DPP10: variants seen among roughly 807,000 people sequenced by gnomAD.
DPP10 encodes dipeptidyl peptidase like 10, also known as inactive dipeptidyl peptidase 10.
In DPP10, 33 loss-of-function variants were observed where a neutral mutation model predicts 120.9. The observed-to-expected ratio is 0.27, with a 90% confidence interval of 0.21 to 0.37. DPP10 has a LOEUF of 0.37. Ranked by LOEUF, DPP10 falls within the 10% of genes least tolerant of loss-of-function variation. DPP10 has a pLI of 1.00. For missense variants in DPP10, 816 were observed against 942.8 expected, an observed-to-expected ratio of 0.87 and a Z score of 1.76; for synonymous variants, 337 against 326.1, an observed-to-expected ratio of 1.03 and a Z score of -0.36.
intron 1 of DPP10, among the ~76,000 whole-genome samples, chr2:115,200,250 A>T (rs889817101): frequency 1.3e-5 from 2 of 152,182 alleles, no homozygotes; most frequent in African/African-American, 4.8e-5. Context: ...TGTTTGAAGA[A>T]TGAAAGCATT....
chr2:114,459,896 C>A (rs1287886857), intron 1 of DPP10, among the ~76,000 whole-genome samples: 1 of 152,156 alleles, frequency 6.6e-6, no homozygotes, highest in African/African-American at 2.4e-5. Context: ...TCCTGGGGAA[C>A]TTGCTTGGCT....
At chr2:114,626,407 T>C (rs1461546432) in intron 1 of DPP10, among the ~76,000 whole-genome samples, 2 of 152,098 alleles carry the variant, frequency 1.3e-5, no homozygotes, top group South Asian at 2.1e-4. Flanking sequence ...AATTTAGATA[T>C]TGTTTTTCAA....
intron 1 of DPP10, among the ~76,000 whole-genome samples, chr2:114,902,986 A>G (rs1693698950): frequency 6.6e-6 from 1 of 152,032 alleles, no homozygotes; most frequent in Non-Finnish European, 1.5e-5. Flanking sequence ...CCCAGAAACC[A>G]CTAATCTTTT....
At chr2:114,759,585 T>G (rs1294240948) in intron 1 of DPP10, among the ~76,000 whole-genome samples, 1 of 152,096 alleles carries the variant, frequency 6.6e-6, no homozygotes, top group East Asian at 1.9e-4. Flanking sequence ...TGGGTCCATG[T>G]CTGAAAGTGG....
chr2:115,539,085 G>A (rs1478856149), intron 5 of DPP10, among the ~76,000 whole-genome samples: 1 of 151,850 alleles, frequency 6.6e-6, no homozygotes, highest in Non-Finnish European at 1.5e-5. Context: ...GGTGGATACA[G>A]GAGGTGGATA....
At chr2:115,690,712 C>T (rs1031774621) in intron 7 of DPP10, among the ~76,000 whole-genome samples, 15 of 152,172 alleles carry the variant, frequency 9.9e-5, no homozygotes, top group Non-Finnish European at 2.1e-4. Context: ...GTGAGCCCCG[C>T]CTGCAATATT....
At chr2:115,544,829 G>A (rs1482808681) in intron 5 of DPP10, among the ~76,000 whole-genome samples, 1 of 151,976 alleles carries the variant, frequency 6.6e-6, no homozygotes, top group Admixed American at 6.6e-5. Flanking sequence ...TTCAAATGTA[G>A]GGTTGCTTAT....
At chr2:114,654,197 G>T (rs547403498) in intron 1 of DPP10, among the ~76,000 whole-genome samples, 1 of 152,256 alleles carries the variant, frequency 6.6e-6, no homozygotes, top group Non-Finnish European at 1.5e-5. Flanking sequence ...ACTCGAAATG[G>T]TATTCTCTGT....
intron 1 of DPP10, among the ~76,000 whole-genome samples, chr2:114,631,758 A>G (rs1266432598): frequency 6.6e-6 from 1 of 152,142 alleles, no homozygotes; most frequent in Non-Finnish European, 1.5e-5. Context: ...CACTACCATT[A>G]TTGGGACTAA....
chr2:114,566,135 A>C (rs1428181036), intron 1 of DPP10, among the ~76,000 whole-genome samples: 3 of 152,174 alleles, frequency 2.0e-5, no homozygotes, highest in Non-Finnish European at 4.4e-5. Flanking sequence ...TTCAATTATC[A>C]GAAGCGTTTT....
intron 1 of DPP10, among the ~76,000 whole-genome samples, chr2:114,753,908 C>CAAAAAAAAAAA (rs777798352): frequency 5.6e-4 from 19 of 33,730 alleles, no homozygotes; most frequent in East Asian, 1.4e-3. Flanking sequence ...GACTCCTTCT[C>CAAAAAAAAAAA]AAAAAAAAAA....
chr2:115,805,574 C>CTT (rs1559178533), intron 19 of DPP10, among the ~76,000 whole-genome samples: 1 of 145,994 alleles, frequency 6.8e-6, no homozygotes, highest in African/African-American at 2.6e-5. Context: ...TCTTGGCTCC[C>CTT]ATTTTTTTTT....
intron 1 of DPP10, among the ~76,000 whole-genome samples, chr2:115,238,314 T>C (rs1012439767): frequency 1.3e-5 from 2 of 152,288 alleles, no homozygotes; most frequent in South Asian, 4.1e-4. Context: ...AAGCCCACGA[T>C]TGAAACCTAC....
At position 115,727,724 on chromosome 2, in the gene DPP10, A is replaced by G. The variant is rs115176022; in HGVS notation, c.577-92A>G. The G allele has an allele frequency of 2.0e-3, 2,768 of 1,365,612 alleles. 49 individuals are homozygous for G. The African/African-American group carries it at 0.037, about 18-fold the overall frequency. The allele number at this position is 1,365,612 out of a possible 1,614,324, so 84.6% of individuals were successfully genotyped here. A position where few individuals can be genotyped will look rare whatever the true frequency, so the allele number is the denominator to read the frequency against. ...ACTTGAAGCCCGTAAATAATACAAC[A>G]TGGCTATTCAGTGATCATTCTGTAA... On this transcript the variant is annotated intron_variant, in intron 7 of 25. Coordinates refer to ENST00000410059, the MANE Select transcript of DPP10 (RefSeq NM_020868.6).
In DPP10 at chr2:114,446,724, CT is replaced by C. The variant is rs368474498; in HGVS notation, c.60+3891del. ...TCGGAGTACATCTTGAGCTGGCAAA[CT>C]TTTTCATGGTGATTTTTACTGCCTT... On this transcript the variant is annotated intron_variant, in intron 1 of 25. Transcript: ENST00000410059. 9.9e-5 allele frequency among the ~76,000 whole-genome samples: 15 copies of C among 152,242 alleles called. No individual in the cohort carries two copies. In the South Asian group the frequency reaches 3.1e-3, roughly 32 times the overall value.
intron 9 of DPP10, among the ~76,000 whole-genome samples, chr2:115,743,343 C>A (rs1677526394): frequency 6.6e-6 from 1 of 152,030 alleles, no homozygotes; most frequent in East Asian, 1.9e-4. Flanking sequence ...TGAAAACTGG[C>A]CACATTGTGT....
chr2:115,312,677 C>T (rs1157308230), intron 2 of DPP10, among the ~76,000 whole-genome samples: 1 of 152,142 alleles, frequency 6.6e-6, no homozygotes, highest in East Asian at 1.9e-4. Flanking sequence ...GTTCTCTCAG[C>T]TGTGCTAAAA....
chr2:115,136,599 G>T (rs1381325656), intron 1 of DPP10, among the ~76,000 whole-genome samples: 1 of 151,922 alleles, frequency 6.6e-6, no homozygotes, highest in Non-Finnish European at 1.5e-5. Flanking sequence ...ATTGCCCAGG[G>T]ATTAAAAGGG....
At chr2:115,740,010 A>C in intron 9 of DPP10, 117 bp downstream of exon 9, 1 of 1,097,600 alleles carries the variant, frequency 9.1e-7, no homozygotes, top group Non-Finnish European at 1.3e-6. Context: ...AGTTTTCCTT[A>C]CTTGTCAGAC....
Sources: allele counts gnomAD v4.1 joint callset (sites outside exome capture counted in the v4.1 genomes callset), GRCh38; gene constraint gnomAD v4.1.1; transcripts MANE v1.5; gene names NCBI Gene and HGNC (gene_info 2026-07-23, HGNC 2026-07-21).